Variants in ROBO2 observed in about 807,000 individuals in gnomAD.
The protein encoded by ROBO2 is roundabout guidance receptor 2, also known as roundabout homolog 2.
ROBO2 carries 53 observed loss-of-function variants against 160.8 expected under a neutral mutation model. That is an observed-to-expected ratio of 0.33 (90% CI 0.26 to 0.41). The LOEUF is 0.41. Ranked by LOEUF, ROBO2 falls within the 10% of genes least tolerant of loss-of-function variation. The probability of loss-of-function intolerance (pLI) is 1.00; values close to 1 mark genes in which losing one functional copy is unlikely to be tolerated. For missense variants in ROBO2, 1,577 were observed against 1,722.4 expected (o/e 0.92, Z 1.49); for synonymous variants, 664 against 611.7 (o/e 1.09, Z -1.26).
At chr3:76,997,418 G>A (rs2061080669) in intron 2 of ROBO2, among the ~76,000 whole-genome samples, 1 of 152,148 alleles carries the variant, frequency 6.6e-6, no homozygotes, top group African/African-American at 2.4e-5. Context: ...CAGTTGTGGG[G>A]TCTAATGTTC....
chr3:76,918,654 T>C (rs1012076402), intron 2 of ROBO2, among the ~76,000 whole-genome samples: 1 of 152,206 alleles, frequency 6.6e-6, no homozygotes, highest in Non-Finnish European at 1.5e-5. Context: ...CATTTATTTA[T>C]TAAATCATTA....
chr3:76,123,378 A>G (rs979874960), intron 2 of ROBO2, among the ~76,000 whole-genome samples: 1 of 152,148 alleles, frequency 6.6e-6, no homozygotes, highest in African/African-American at 2.4e-5. Flanking sequence ...TTGTTAAGGT[A>G]GAAGTCAAAG....
intron 2 of ROBO2, among the ~76,000 whole-genome samples, chr3:76,899,837 C>T (rs1465325468): frequency 6.6e-6 from 1 of 151,984 alleles, no homozygotes; most frequent in Non-Finnish European, 1.5e-5. Flanking sequence ...TATTATGATG[C>T]TCATAAGTAT....
chr3:76,941,765 G>T (rs149916623), intron 2 of ROBO2, among the ~76,000 whole-genome samples: 3 of 152,074 alleles, frequency 2.0e-5, no homozygotes, highest in African/African-American at 4.8e-5. Context: ...GGAGAATTTC[G>T]CTAGAGCACC....
At chr3:77,081,032 C>T (rs1003642053) in intron 1 of ROBO2, among the ~76,000 whole-genome samples, 3 of 152,000 alleles carry the variant, frequency 2.0e-5, no homozygotes, top group African/African-American at 7.3e-5. Flanking sequence ...ATTTTGTTCT[C>T]ATGATTCTGT....
intron 2 of ROBO2, among the ~76,000 whole-genome samples, chr3:77,208,618 A>G (rs2083720485): frequency 6.6e-6 from 1 of 152,216 alleles, no homozygotes. Context: ...AGATACTATT[A>G]TTATAAAGCC....
At chr3:77,405,174 A>G (rs1045879631) in intron 2 of ROBO2, among the ~76,000 whole-genome samples, 17 of 152,212 alleles carry the variant, frequency 1.1e-4, no homozygotes, top group African/African-American at 4.1e-4. Context: ...AGAGAGCACA[A>G]TAAAGGATGA....
At chr3:76,355,810 C>T (rs1049500520) in intron 2 of ROBO2, among the ~76,000 whole-genome samples, 1 of 151,568 alleles carries the variant, frequency 6.6e-6, no homozygotes, top group Non-Finnish European at 1.5e-5. Flanking sequence ...AAGGATATCC[C>T]GTGCAGAAAA....
intron 2 of ROBO2, among the ~76,000 whole-genome samples, chr3:76,391,225 A>G (rs1378726454): frequency 1.3e-5 from 2 of 152,166 alleles, no homozygotes; most frequent in African/African-American, 2.4e-5. Flanking sequence ...ACATCTGGCC[A>G]TAGACTTCAA....
At chr3:77,410,923 C>A (rs2076748288) in intron 2 of ROBO2, among the ~76,000 whole-genome samples, 1 of 151,810 alleles carries the variant, frequency 6.6e-6, no homozygotes, top group African/African-American at 2.4e-5. Context: ...CCTGCCTCAA[C>A]CTCCCGAGTA....
intron 2 of ROBO2, among the ~76,000 whole-genome samples, chr3:77,033,441 A>T (rs958568653): frequency 6.6e-6 from 1 of 152,198 alleles, no homozygotes; most frequent in Non-Finnish European, 1.5e-5. Flanking sequence ...TGGTATCCAG[A>T]CTACCAGAAC....
chr3:76,186,729 T>C (rs1178100472), intron 2 of ROBO2, among the ~76,000 whole-genome samples: 1 of 152,142 alleles, frequency 6.6e-6, no homozygotes, highest in African/African-American at 2.4e-5. Context: ...CTACATTGTG[T>C]TCCCTTTCTA....
intron 2 of ROBO2, among the ~76,000 whole-genome samples, chr3:76,777,761 A>G (rs2062371988): frequency 6.6e-6 from 1 of 151,000 alleles, no homozygotes; most frequent in African/African-American, 2.4e-5. Flanking sequence ...ATATTTATTG[A>G]GAGTTGATGA....
chr3:76,051,797 G>A (rs1215417903), intron 2 of ROBO2, among the ~76,000 whole-genome samples: 10 of 151,868 alleles, frequency 6.6e-5, no homozygotes, highest in African/African-American at 2.2e-4. Context: ...ATTTTAGAAG[G>A]GAAAATATTA....
At chr3:77,008,319 A>C (rs2061690461) in intron 2 of ROBO2, among the ~76,000 whole-genome samples, 1 of 152,174 alleles carries the variant, frequency 6.6e-6, no homozygotes, top group African/African-American at 2.4e-5. Context: ...CTTCTCATTT[A>C]AGAACAAGCA....
At chr3:77,009,935 G>A (rs1346852218) in intron 2 of ROBO2, among the ~76,000 whole-genome samples, 6 of 107,522 alleles carry the variant, frequency 5.6e-5, no homozygotes, top group Non-Finnish European at 8.7e-5. Flanking sequence ...GACAGAGTGA[G>A]ACTCTGTCTT....
chr3:76,086,324 G>A (rs1188745490), intron 2 of ROBO2, among the ~76,000 whole-genome samples: 2 of 151,994 alleles, frequency 1.3e-5, no homozygotes, highest in African/African-American at 4.8e-5. Flanking sequence ...GGAGGTAACC[G>A]CCCCCATGAT....
At chr3:76,462,301 C>T (rs978460363) in intron 2 of ROBO2, among the ~76,000 whole-genome samples, 3 of 152,140 alleles carry the variant, frequency 2.0e-5, no homozygotes, top group Non-Finnish European at 4.4e-5. Context: ...GCTCTTTCCC[C>T]TCAATTTCTA....
chr3:75,950,807 C>T (rs1948507312), intron 2 of ROBO2, among the ~76,000 whole-genome samples: 1 of 151,978 alleles, frequency 6.6e-6, no homozygotes, highest in Non-Finnish European at 1.5e-5. Context: ...GTCTGAGTAA[C>T]TGTGGGTATG....
Sources: gnomAD v4.1 joint callset for allele counts (sites outside exome capture counted in the v4.1 genomes callset) on GRCh38, gnomAD v4.1.1 for gene constraint, MANE v1.5 for transcripts, NCBI Gene and HGNC (gene_info 2026-07-23, HGNC 2026-07-21) for gene names.